Variants in BCL11A observed in about 807,000 individuals in gnomAD.
BCL11A encodes BCL11 transcription factor A.
Under a neutral mutation model 55.9 loss-of-function variants are expected in BCL11A, and 2 were observed. The ratio of observed to expected loss-of-function variants is 0.04; its 90% CI spans 0.01 to 0.11. BCL11A has a LOEUF of 0.11. Among genes scored for constraint, BCL11A ranks in the 10% least tolerant of loss-of-function variants. The pLI, the probability that BCL11A is intolerant of heterozygous loss-of-function variation, is 1.00. For synonymous variants in BCL11A, 465 were observed against 473.4 expected, an observed-to-expected ratio of 0.98 and a Z score of 0.23; for missense variants, 817 against 1,137.1, an observed-to-expected ratio of 0.72 and a Z score of 4.05.
chr2:60,548,330 C>CT (rs34428551), intron 1 of BCL11A, among the ~76,000 whole-genome samples: 17,357 of 135,022 alleles, frequency 0.13, 1,152 homozygotes, highest in African/African-American at 0.17. Context: ...CGTTAAGATT[C>CT]TTTTTTTTTT....
chr2:60,488,628 TA>T (rs1678428609), intron 2 of BCL11A, among the ~76,000 whole-genome samples: 1 of 152,252 alleles, frequency 6.6e-6, no homozygotes, highest in Admixed American at 6.5e-5. Context: ...GGGAATTCGG[TA>T]AAACTTTCTA....
downstream of BCL11A, among the ~76,000 whole-genome samples, chr2:60,456,109 T>C (rs1025884230): frequency 6.6e-6 from 1 of 152,184 alleles, no homozygotes; most frequent in Non-Finnish European, 1.5e-5. Flanking sequence ...GATAAAACTA[T>C]TCTTGCCTCA....
chr2:60,456,018 G>A (rs1403683045), downstream of BCL11A, among the ~76,000 whole-genome samples: 2 of 152,082 alleles, frequency 1.3e-5, no homozygotes. Context: ...TCCTTTCTCA[G>A]TGGATTCCTC....
intron 2 of BCL11A, chr2:60,543,729 A>G (rs1208027364): frequency 1.3e-5 from 2 of 152,224 alleles, no homozygotes; most frequent in African/African-American, 4.8e-5. Flanking sequence ...AACACAATGA[A>G]AGAAATCAAG....
chr2:60,544,973 T>C (rs960486816), intron 2 of BCL11A: 1 of 152,246 alleles, frequency 6.6e-6, no homozygotes, highest in African/African-American at 2.4e-5. Flanking sequence ...CCCACACACC[T>C]AGCTGCCTCC....
chr2:60,534,783 C>T (rs1669599840), intron 2 of BCL11A: 1 of 152,162 alleles, frequency 6.6e-6, no homozygotes, highest in Admixed American at 6.5e-5. Context: ...ACTGAGGCAG[C>T]TAATACACAA....
exon 5 of BCL11A, chr2:60,451,495 A>G (rs769835866): frequency 4.3e-6 from 1 of 231,196 alleles, no homozygotes; most frequent in Non-Finnish European, 8.6e-6. Context: ...TTGTGGCACT[A>G]ATTTCTAAGG....
intron 2 of BCL11A, among the ~76,000 whole-genome samples, chr2:60,492,458 A>G (rs1268229693): frequency 1.3e-5 from 2 of 151,668 alleles, no homozygotes. Flanking sequence ...TTAGTTGGGT[A>G]CTCCCTCCCC....
At chr2:60,523,694 G>A (rs1207139386) in intron 2 of BCL11A, among the ~76,000 whole-genome samples, 2 of 150,860 alleles carry the variant, frequency 1.3e-5, no homozygotes, top group Admixed American at 1.3e-4. Context: ...TTTTATAGGT[G>A]TACCACACAA....
intron 2 of BCL11A, among the ~76,000 whole-genome samples, chr2:60,512,471 G>C (rs1680041203): frequency 6.6e-6 from 1 of 152,178 alleles, no homozygotes; most frequent in Middle Eastern, 3.2e-3. Context: ...TCTCAAATGA[G>C]AAAGGCAGCT....
chr2:60,547,108 T>C (rs1670190966), intron 1 of BCL11A, among the ~76,000 whole-genome samples: 1 of 152,246 alleles, frequency 6.6e-6, no homozygotes, highest in Non-Finnish European at 1.5e-5. Context: ...TAGTCATTTT[T>C]TTTTTATTCT....
chr2:60,546,403 T>C lies in BCL11A; in HGVS notation c.56-103A>G, dbSNP rs1670162302. The C allele has an allele frequency of 1.5e-5, 15 of 972,810 alleles. No individual in the cohort carries two copies. In the East Asian group the frequency reaches 3.3e-4, roughly 21 times the overall value. The allele number at this position is 972,810 out of a possible 1,614,324, so 60.3% of individuals were successfully genotyped here. ...TGCCATCCCACCACATCATGTAAAG[T>C]GTTTCTAGGCTTCTCTATATAATAC... On this transcript the variant is annotated intron_variant, in intron 1 of 3. Transcript: ENST00000642384. The surrounding 1 kb of genome is among the most constrained non-coding windows in gnomAD (Gnocchi z 4.1).
At chr2:60,535,983 TA>T (rs1245701984) in intron 2 of BCL11A, 1 of 152,250 alleles carries the variant, frequency 6.6e-6, no homozygotes, top group African/African-American at 2.4e-5. Context: ...TAAAAAATTC[TA>T]GTGACAGAAT....
chr2:60,537,725 G>C (rs1184550902), intron 2 of BCL11A: 1 of 152,190 alleles, frequency 6.6e-6, no homozygotes, highest in Admixed American at 6.5e-5. Flanking sequence ...AACAACTGAT[G>C]AATATAAATT....
chr2:60,460,014 A>T lies in BCL11A; in HGVS notation c.*390T>A. On this transcript the variant is annotated 3_prime_UTR_variant, in exon 4 of 4. Coordinates refer to ENST00000642384, the MANE Select transcript of BCL11A (RefSeq NM_022893.4). ...CTCAGCAACGAATTAGGGACAATTT[A>T]AAATAGCCATAACATACCATACATG... 1 of 1,073,226 alleles carries T rather than the reference A, an allele frequency of 9.3e-7. No homozygotes were observed. The highest frequency in any genetic ancestry group is 1.1e-6 in the Non-Finnish European group (1 of 884,720). The allele number at this position is 1,073,226 out of a possible 1,614,324, so 66.5% of individuals were successfully genotyped here.
At chr2:60,484,352 T>A (rs1678147649) in intron 2 of BCL11A, 1 of 152,458 alleles carries the variant, frequency 6.6e-6, no homozygotes, top group Non-Finnish European at 1.5e-5. Flanking sequence ...CTTCCCCTTT[T>A]CCTCCTTTCT....
intron 1 of BCL11A, among the ~76,000 whole-genome samples, chr2:60,551,451 G>A (rs926814922): frequency 1.3e-5 from 2 of 152,228 alleles, no homozygotes; most frequent in Non-Finnish European, 2.9e-5. Flanking sequence ...GCCTAGTCGT[G>A]CTCGGGGCGC....
In BCL11A at chr2:60,460,376, G is replaced by A. The variant is rs752998646; in HGVS notation, c.*28C>T. On this transcript the variant is annotated 3_prime_UTR_variant, in exon 4 of 4. Transcript: ENST00000642384. ...GTGGTGAAAAAGGGGGTGTCAGGTGGGAGTGAGGGAGGGGTATTAATATAC... is the reference window on the plus strand; with the variant it reads ...GTGGTGAAAAAGGGGGTGTCAGGTGAGAGTGAGGGAGGGGTATTAATATAC... The A allele has an allele frequency of 2.8e-5, 43 of 1,558,876 alleles. No individual in the cohort carries two copies. The South Asian group carries it at 5.2e-4, about 19-fold the overall frequency.
intron 2 of BCL11A, among the ~76,000 whole-genome samples, chr2:60,484,994 A>C (rs1479263577): frequency 6.6e-6 from 1 of 151,758 alleles, no homozygotes; most frequent in African/African-American, 2.4e-5. Context: ...AACCAACCAA[A>C]CAAAAAACAG....
Sources: allele counts gnomAD v4.1 joint callset (sites outside exome capture counted in the v4.1 genomes callset), GRCh38; gene constraint gnomAD v4.1.1; non-coding constraint Gnocchi (gnomAD v3.1); transcripts MANE v1.5; gene names NCBI Gene and HGNC (gene_info 2026-07-23, HGNC 2026-07-21).